SYT16: variants seen among roughly 807,000 people sequenced by gnomAD.
The protein encoded by SYT16 is synaptotagmin-16.
SYT16 carries 42 observed loss-of-function variants against 61.4 expected under a neutral mutation model. That is an observed-to-expected ratio of 0.68 (90% CI 0.53 to 0.89). The LOEUF is 0.89. Ranked by LOEUF, SYT16 falls within the 40% of genes least tolerant of loss-of-function variation. The pLI is 0.00. For synonymous variants in SYT16, 314 were observed against 302.3 expected (o/e 1.04, Z -0.40); for missense variants, 804 against 807.3 (o/e 1.00, Z 0.05).
At chr14:61,868,168 A>T (rs1474511442) in intron 1 of SYT16, among the ~76,000 whole-genome samples, 1 of 151,956 alleles carries the variant, frequency 6.6e-6, no homozygotes, top group East Asian at 1.9e-4. Context: ...TGGGAAGGGT[A>T]GTCTGGGAAG....
intron 3 of SYT16, among the ~76,000 whole-genome samples, chr14:62,021,697 C>T (rs1338356132): frequency 1.3e-5 from 2 of 152,028 alleles, no homozygotes; most frequent in African/African-American, 2.4e-5. Context: ...TTTCTCTAGT[C>T]TCTCCCTCAG....
intron 3 of SYT16, among the ~76,000 whole-genome samples, chr14:62,006,059 C>A (rs1208217395): frequency 6.6e-6 from 1 of 152,090 alleles, no homozygotes; most frequent in Non-Finnish European, 1.5e-5. Flanking sequence ...CTTCAAATGC[C>A]TTTTAGCCAT....
chr14:61,865,098 A>G (rs778773866), intron 1 of SYT16: 1 of 1,353,834 alleles, frequency 7.4e-7, no homozygotes, highest in Non-Finnish European at 1.1e-6. Flanking sequence ...ACTGTGACTC[A>G]TCTGCTGGAC....
chr14:61,964,289 A>G (rs2051223150), intron 1 of SYT16, among the ~76,000 whole-genome samples: 2 of 152,196 alleles, frequency 1.3e-5, no homozygotes, highest in African/African-American at 2.4e-5. Context: ...AGATGCTATT[A>G]AGGACATTTA....
intron 2 of SYT16, among the ~76,000 whole-genome samples, chr14:61,986,986 A>G (rs1286173150): frequency 6.6e-6 from 1 of 152,204 alleles, no homozygotes; most frequent in Non-Finnish European, 1.5e-5. Flanking sequence ...GTTTAGTGAG[A>G]CAGATGGGTA....
intron 1 of SYT16, among the ~76,000 whole-genome samples, chr14:61,875,704 A>G (rs1325318527): frequency 6.6e-6 from 1 of 152,182 alleles, no homozygotes; most frequent in African/African-American, 2.4e-5. Context: ...GCAGAGCACT[A>G]AAGGCTGCAG....
chr14:62,039,366 T>C (rs559103009), intron 3 of SYT16, among the ~76,000 whole-genome samples: 2 of 152,302 alleles, frequency 1.3e-5, no homozygotes, highest in South Asian at 4.1e-4. Context: ...GGGGCTATGA[T>C]ATTCTTATAG....
intron 2 of SYT16, among the ~76,000 whole-genome samples, chr14:61,980,012 T>A (rs2052002640): frequency 6.6e-6 from 1 of 152,220 alleles, no homozygotes; most frequent in Non-Finnish European, 1.5e-5. Context: ...AAAACTGATA[T>A]CTTCTACATT....
chr14:61,824,582 G>T (rs1429982582), intron 1 of SYT16, among the ~76,000 whole-genome samples: 2 of 152,164 alleles, frequency 1.3e-5, no homozygotes, highest in Non-Finnish European at 2.9e-5. Context: ...TCAATCTCCT[G>T]ACCTCATGAT....
rs1262612562 is a variant in SYT16 at position 62,018,317 on chromosome 14, T to C, written c.523+21775T>C. On this transcript the variant is annotated intron_variant, in intron 3 of 7. Transcript: ENST00000683842. ...CTTCTTCTTTTTTTTTTTTTTTTTT[T>C]TTTTTTTTTGAGACTGTCTCGCTCT... is the stretch of plus-strand genomic sequence containing the variant. Among the ~76,000 whole-genome samples the C allele has an allele frequency of 3.6e-5, 5 of 138,532 alleles. No individual in the cohort carries two copies. The East Asian group carries it at 8.2e-4, about 23-fold the overall frequency. The allele number at this position is 138,532 out of a possible 152,430, so 90.9% of individuals were successfully genotyped here.
rs1266279923 is a variant in SYT16 at position 62,101,996 on chromosome 14, T to C, written c.*1289T>C. The C allele has an allele frequency of 6.6e-6, 1 of 152,196 alleles. No homozygotes were observed. The highest frequency in any genetic ancestry group is 1.5e-5 in the Non-Finnish European group (1 of 68,022). The allele number at this position is 152,196 out of a possible 1,614,324, so 9.4% of individuals were successfully genotyped here. On this transcript the variant is annotated 3_prime_UTR_variant, in exon 8 of 8. Transcript: ENST00000683842. ...GGTCTGGGCCCTTAATTTCAATTAC[T>C]TTAAATTGGCATTAATAAAAAAATA...
chr14:61,926,450 G>C (rs1199144787), intron 1 of SYT16, among the ~76,000 whole-genome samples: 2 of 152,160 alleles, frequency 1.3e-5, no homozygotes, highest in Non-Finnish European at 2.9e-5. Context: ...TCACTTCAAG[G>C]CATGCTCCTT....
chr14:62,015,836 A>C (rs1395635972), intron 3 of SYT16, among the ~76,000 whole-genome samples: 3 of 152,176 alleles, frequency 2.0e-5, no homozygotes, highest in Non-Finnish European at 4.4e-5. Context: ...TCCATGAGCC[A>C]CTCAGTTTAT....
At chr14:61,873,433 A>G (rs2047391602) in intron 1 of SYT16, among the ~76,000 whole-genome samples, 1 of 151,702 alleles carries the variant, frequency 6.6e-6, no homozygotes, top group African/African-American at 2.4e-5. Context: ...TTTTTCTCCT[A>G]CTGTCTTTCC....
intron 1 of SYT16, among the ~76,000 whole-genome samples, chr14:61,885,316 C>T (rs974396118): frequency 6.6e-6 from 1 of 151,996 alleles, no homozygotes; most frequent in East Asian, 1.9e-4. Flanking sequence ...TAGATAATTA[C>T]CTCCCTTGGC....
intron 3 of SYT16, among the ~76,000 whole-genome samples, chr14:62,047,718 A>G (rs1441669452): frequency 1.3e-5 from 2 of 152,248 alleles, no homozygotes; most frequent in Non-Finnish European, 2.9e-5. Context: ...CCTTTTCTGC[A>G]TCTATTGAGA....
At chr14:61,961,159 A>C (rs181995866) in intron 1 of SYT16, among the ~76,000 whole-genome samples, 1 of 152,318 alleles carries the variant, frequency 6.6e-6, no homozygotes, top group East Asian at 1.9e-4. Context: ...CTAAAACTAT[A>C]AAAACCCTGG....
intron 3 of SYT16, among the ~76,000 whole-genome samples, chr14:62,037,960 C>T (rs1361972703): frequency 1.3e-5 from 2 of 152,178 alleles, no homozygotes; most frequent in Non-Finnish European, 2.9e-5. Context: ...TCACCATGTA[C>T]ATCTGCATCA....
Position 61,865,148 on chromosome 14 carries a change from C to T in SYT16, c.-325+52338C>T, listed in dbSNP as rs1361000222. 21 of 1,252,940 alleles carry T rather than the reference C, an allele frequency of 1.7e-5. No individual in the cohort carries two copies. In the Admixed American group the frequency reaches 2.0e-4, roughly 12 times the overall value. The allele number at this position is 1,252,940 out of a possible 1,614,324, so 77.6% of individuals were successfully genotyped here. ...TGGCTCCTCAGCCACCGATAAATGC[C>T]GCTCCCTGCAGTTACTGGGCCCAGA... is the stretch of plus-strand genomic sequence containing the variant. On this transcript the variant is annotated intron_variant, in intron 1 of 7. Coordinates refer to ENST00000683842, the MANE Select transcript of SYT16 (RefSeq NM_001367656.1).
Sources: gnomAD v4.1 joint callset for allele counts (sites outside exome capture counted in the v4.1 genomes callset) on GRCh38, gnomAD v4.1.1 for gene constraint, MANE v1.5 for transcripts, NCBI Gene and HGNC (gene_info 2026-07-23, HGNC 2026-07-21) for gene names.